STEAP3: variants seen among roughly 807,000 people sequenced by gnomAD.
STEAP3 encodes the protein STEAP3 metalloreductase, also known as metalloreductase STEAP3.
STEAP3 carries 35 observed loss-of-function variants against 34.9 expected under a neutral mutation model. That is an observed-to-expected ratio of 1.00 (90% confidence interval 0.76 to 1.33). The LOEUF is 1.33. STEAP3 is among the 40% of genes most tolerant of loss of function. The pLI is 0.00. For synonymous variants in STEAP3, 281 were observed against 301.6 expected (o/e 0.93, Z 0.71); for missense variants, 652 against 667.6 (o/e 0.98, Z 0.26).
intron 2 of STEAP3, among the ~76,000 whole-genome samples, chr2:119,237,776 C>G (rs997318771): frequency 6.6e-6 from 1 of 152,210 alleles, no homozygotes; most frequent in South Asian, 2.1e-4. Context: ...CACATCACCA[C>G]GCAATTCACC....
At chr2:119,260,225 G>T (rs1269815805) in intron 5 of STEAP3, among the ~76,000 whole-genome samples, 1 of 152,052 alleles carries the variant, frequency 6.6e-6, no homozygotes, top group Non-Finnish European at 1.5e-5. Context: ...CCACAATGAG[G>T]AGGGGTGGGA....
chr2:119,248,503 A>G, intron 4 of STEAP3: 2 of 377,580 alleles, frequency 5.3e-6, no homozygotes, highest in South Asian at 1.2e-4. Context: ...GCTAAGGCGC[A>G]AAGGAAAGCA....
chr2:119,261,536 G>A (rs766762868), intron 5 of STEAP3, among the ~76,000 whole-genome samples: 5 of 152,186 alleles, frequency 3.3e-5, no homozygotes, highest in South Asian at 2.1e-4. Flanking sequence ...CCTCGCTCTC[G>A]GTGCCCTCTG....
chr2:119,255,557 A>G (rs1677750803), intron 5 of STEAP3, among the ~76,000 whole-genome samples: 2 of 152,180 alleles, frequency 1.3e-5, no homozygotes, highest in South Asian at 4.1e-4. Context: ...TTGGAGTGTT[A>G]GCACCCTCCC....
chr2:119,244,678 G>A (rs1321949905), intron 2 of STEAP3: 1 of 152,138 alleles, frequency 6.6e-6, no homozygotes, highest in Non-Finnish European at 1.5e-5. Flanking sequence ...GCAAATTTTA[G>A]TTAGAAGTTG....
At chr2:119,250,348 C>G (rs1356142604) in intron 4 of STEAP3, among the ~76,000 whole-genome samples, 3 of 152,258 alleles carry the variant, frequency 2.0e-5, no homozygotes, top group African/African-American at 7.2e-5. Context: ...TCTCCAGCAT[C>G]GCTGACTGGA....
chr2:119,245,850 A>G lies in STEAP3; in HGVS notation c.384A>G (p.Thr128=). The change falls in exon 3 of 6, where the codon ACA becomes ACG. Residue 128 remains threonine (T), a synonymous_variant. Coordinates refer to ENST00000393110, the MANE Select transcript of STEAP3 (RefSeq NM_182915.3). The stretch of plus-strand genomic sequence containing the variant: ...TCCTGGTGGATGTGAGCAACCCTAC[A>G]GAGCAAGAGCACCTTCAGCATCGTG... The part of the protein sequence containing the change: ...GKILVDVSNP[T]EQEHLQHRES... 1 of 1,614,176 alleles carries G rather than the reference A, an allele frequency of 6.2e-7. No individual in the cohort carries two copies. Among genetic ancestry groups the G allele is most frequent in the Non-Finnish European group, 8.5e-7 (1 of 1,180,034 alleles).
chr2:119,254,596 T>A, intron 4 of STEAP3, 88 bp from the exon 5 acceptor site: 1 of 1,515,916 alleles, frequency 6.6e-7, no homozygotes, highest in Non-Finnish European at 9.1e-7. Context: ...GCGCCCGCCG[T>A]CTTGTCTTTC....
intron 2 of STEAP3, among the ~76,000 whole-genome samples, chr2:119,237,412 G>A (rs534204607): frequency 5.9e-5 from 9 of 152,268 alleles, no homozygotes; most frequent in Admixed American, 2.0e-4. Context: ...AGCTGCTCTC[G>A]AGGAAACTAA....
chr2:119,242,381 C>T (rs1250688879), intron 2 of STEAP3, among the ~76,000 whole-genome samples: 1 of 152,180 alleles, frequency 6.6e-6, no homozygotes, highest in Non-Finnish European at 1.5e-5. Context: ...CTTGACTGAC[C>T]ACAAGGGGAG....
In STEAP3 at chr2:119,254,893, G is replaced by A. The variant is rs554467151; in HGVS notation, c.1215+45G>A. ...GCCAGCCAGCTTCAGCGTGGCCCTG[G>A]CCCACCTCTCATGAGTAAGTGCTCT... On this transcript the variant is annotated intron_variant, in intron 5 of 5. Transcript: ENST00000393110. 3.8e-6 allele frequency: 6 copies of A among 1,594,616 alleles called. No homozygotes were observed. In the Admixed American group the frequency reaches 1.0e-4, roughly 28 times the overall value.
chr2:119,230,363 G>C (rs1408496590), intron 1 of STEAP3, among the ~76,000 whole-genome samples: 1 of 151,356 alleles, frequency 6.6e-6, no homozygotes, highest in African/African-American at 2.5e-5. Context: ...GGGTCTGTCT[G>C]TCTGTCTGTC....
intron 2 of STEAP3, among the ~76,000 whole-genome samples, chr2:119,237,111 TG>T (rs1311060295): frequency 1.3e-5 from 2 of 152,198 alleles, no homozygotes; most frequent in East Asian, 3.8e-4. Context: ...TACCTGAAGC[TG>T]GGGAATTTGT....
chr2:119,241,535 A>G (rs1256951990), intron 2 of STEAP3, among the ~76,000 whole-genome samples: 1 of 152,264 alleles, frequency 6.6e-6, no homozygotes, highest in Non-Finnish European at 1.5e-5. Flanking sequence ...CCTTAGGACC[A>G]TAAGTCTAGG....
chr2:119,262,325 G>T (rs949056984), intron 5 of STEAP3, among the ~76,000 whole-genome samples: 13 of 145,534 alleles, frequency 8.9e-5, no homozygotes, highest in African/African-American at 3.0e-4. Context: ...CACATAACTA[G>T]TAAAATTTAT....
intron 2 of STEAP3, among the ~76,000 whole-genome samples, chr2:119,232,540 G>C (rs1431837841): frequency 6.6e-6 from 1 of 152,216 alleles, no homozygotes; most frequent in East Asian, 1.9e-4. Context: ...TCATGCTGTA[G>C]GGGAGGCCCG....
intron 5 of STEAP3, chr2:119,257,592 G>T: frequency 6.5e-7 from 1 of 1,536,088 alleles, no homozygotes; most frequent in Non-Finnish European, 8.8e-7. Context: ...CTGCTCACTT[G>T]TGCCTGTGTC....
chr2:119,259,603 G>A (rs1369214468), intron 5 of STEAP3, among the ~76,000 whole-genome samples: 6 of 152,214 alleles, frequency 3.9e-5, no homozygotes, highest in Non-Finnish European at 5.9e-5. Context: ...TGGGAGCAGC[G>A]TCTCCACACT....
chr2:119,246,127 G>A (rs1330090459), intron 3 of STEAP3, 139 bp downstream of exon 3: 2 of 1,203,328 alleles, frequency 1.7e-6, no homozygotes, highest in Non-Finnish European at 2.3e-6. Context: ...TACAGAACAG[G>A]AAATTGTGGC....
Sources: gnomAD v4.1 joint callset for allele counts (sites outside exome capture counted in the v4.1 genomes callset) on GRCh38, gnomAD v4.1.1 for gene constraint, MANE v1.5 for transcripts, NCBI Gene and HGNC (gene_info 2026-07-23, HGNC 2026-07-21) for gene names.